WSCD1: variants seen among roughly 807,000 people sequenced by gnomAD.
WSCD1 encodes the protein WSC domain sialate O sulfotransferase 1.
In WSCD1, 41 loss-of-function variants were observed where a neutral mutation model predicts 60.4. The ratio of observed to expected loss-of-function variants is 0.68; its 90% CI spans 0.53 to 0.88. The LOEUF is 0.88. Ranked by LOEUF, WSCD1 falls within the 40% of genes least tolerant of loss-of-function variation. WSCD1 has a pLI of 0.00. For synonymous variants in WSCD1, 361 were observed against 332.5 expected (o/e 1.09, Z -0.93); for missense variants, 784 against 796.2 (o/e 0.98, Z 0.18).
At chr17:6,073,727 A>G (rs1268647551) in intron 1 of WSCD1, among the ~76,000 whole-genome samples, 1 of 152,274 alleles carries the variant, frequency 6.6e-6, no homozygotes, top group Non-Finnish European at 1.5e-5. Flanking sequence ...ATCAGGCACC[A>G]GGAAAGGAAA....
Position 6,123,251 on chromosome 17 carries a change from T to C in WSCD1, c.*2590T>C, listed in dbSNP as rs998689582. On this transcript the variant is annotated 3_prime_UTR_variant, in exon 9 of 9. Transcript: ENST00000317744. ...CCTGACTGTCTACAGATTCCAACTT[T>C]AATAGCAAGCCTGTGGAGTTACACA... 3 of 152,210 alleles carry C rather than the reference T, an allele frequency of 2.0e-5. No homozygotes were observed. The highest frequency in any genetic ancestry group is 2.9e-5 in the Non-Finnish European group (2 of 68,030). The allele number at this position is 152,210 out of a possible 1,614,324, so 9.4% of individuals were successfully genotyped here. A position where few individuals can be genotyped will look rare whatever the true frequency, so the allele number is the denominator to read the frequency against.
chr17:6,083,911 A>T (rs1383579914), intron 2 of WSCD1, among the ~76,000 whole-genome samples: 1 of 152,164 alleles, frequency 6.6e-6, no homozygotes, highest in East Asian at 1.9e-4. Context: ...ACCCCTAATG[A>T]CTTACAGAAG....
At chr17:6,105,738 A>G (rs1434842472) in intron 5 of WSCD1, among the ~76,000 whole-genome samples, 1 of 152,228 alleles carries the variant, frequency 6.6e-6, no homozygotes, top group Non-Finnish European at 1.5e-5. Context: ...ATTGTGGGGC[A>G]TCAACGTCAG....
At chr17:6,096,335 A>G (rs1234547173) in intron 5 of WSCD1, among the ~76,000 whole-genome samples, 1 of 151,980 alleles carries the variant, frequency 6.6e-6, no homozygotes, top group African/African-American at 2.4e-5. Context: ...AGCAGATGTG[A>G]TCGGATCTGC....
Position 6,095,097 on chromosome 17 carries a change from C to G in WSCD1, c.728-5C>G. On this transcript the variant is annotated splice_polypyrimidine_tract_variant and splice_region_variant and intron_variant, in intron 4 of 8. Coordinates refer to ENST00000317744, the MANE Select transcript of WSCD1 (RefSeq NM_015253.2). ...CTTACCAGAAACCCCTCTCTTTTCC[C>G]CCAGGGCGGACCGCCACCTACCGCG... The G allele has an allele frequency of 6.2e-7, 1 of 1,608,176 alleles. No homozygotes were observed.
intron 2 of WSCD1, among the ~76,000 whole-genome samples, chr17:6,083,477 G>A (rs1909410858): frequency 6.6e-6 from 1 of 152,198 alleles, no homozygotes; most frequent in Admixed American, 6.5e-5. Flanking sequence ...AGTGAGAAGT[G>A]ACCTTTATAA....
rs368498173 is a variant in WSCD1 at position 6,120,681 on chromosome 17, C to A, written c.*20C>A. On this transcript the variant is annotated 3_prime_UTR_variant, in exon 9 of 9. Transcript: ENST00000317744. ...AGATGATAGGCCTGGCCCACGCCGC[C>A]GCCCCCGCTGAGTGACGCAATCGCA... The A allele has an allele frequency of 6.3e-7, 1 of 1,589,680 alleles. No individual in the cohort carries two copies.
At position 6,080,964 on chromosome 17, in the gene WSCD1, C is replaced by G; in HGVS notation, c.306C>G (p.Leu102=). Reference sequence around the variant, plus strand: ...GGCCCCGGCCCGGCCCCCGCTGGCTCCGGAGCCGCAACTCGGAGCTGCGTC... The same window carrying G: ...GGCCCCGGCCCGGCCCCCGCTGGCTGCGGAGCCGCAACTCGGAGCTGCGTC... ...LTRPRPGPRW[L]RSRNSELRQL... Residue 102 remains leucine, a synonymous_variant, in exon 2 of 9, where the codon CTC becomes CTG. Transcript: ENST00000317744. The surrounding 1 kb of genome is among the most constrained non-coding windows in gnomAD (Gnocchi z 6.6). 1 of 1,555,472 alleles carries G rather than the reference C, an allele frequency of 6.4e-7. No individual in the cohort carries two copies. Among genetic ancestry groups the G allele is most frequent in the African/African-American group, 1.4e-5 (1 of 74,054 alleles).
intron 5 of WSCD1, among the ~76,000 whole-genome samples, chr17:6,103,714 T>G (rs1910934607): frequency 6.6e-6 from 1 of 152,084 alleles, no homozygotes; most frequent in African/African-American, 2.4e-5. Context: ...GACTGGTGAG[T>G]GTACTCTTTT....
chr17:6,102,505 G>T (rs2150558750), intron 5 of WSCD1, among the ~76,000 whole-genome samples: 1 of 152,284 alleles, frequency 6.6e-6, no homozygotes, highest in East Asian at 1.9e-4. Flanking sequence ...TGTACTCTCT[G>T]CATATTTTGA....
rs781526240 is a variant in WSCD1, at chr17:6,095,112, C to T, written c.738C>T (p.Ala246=). The T allele has an allele frequency of 1.2e-6, 2 of 1,611,540 alleles. No individual in the cohort carries two copies. Among genetic ancestry groups the T allele is most frequent in the South Asian group, 2.2e-5 (2 of 90,462 alleles). The part of the protein sequence containing the change: ...LQPGSRKRRT[A]TYRGCFRLPE... Reference sequence around the variant, plus strand: ...TCTCTTTTCCCCCAGGGCGGACCGCCACCTACCGCGGATGCTTCCGACTGC... The same window carrying T: ...TCTCTTTTCCCCCAGGGCGGACCGCTACCTACCGCGGATGCTTCCGACTGC... The change falls in exon 5 of 9, where the codon GCC becomes GCT. Residue 246 remains alanine (A), a synonymous_variant. Coordinates refer to ENST00000317744, the MANE Select transcript of WSCD1 (RefSeq NM_015253.2).
chr17:6,076,055 A>C (rs1311540073), intron 1 of WSCD1, among the ~76,000 whole-genome samples: 1 of 152,200 alleles, frequency 6.6e-6, no homozygotes, highest in Admixed American at 6.5e-5. Flanking sequence ...CCTCTCAAGA[A>C]TAAATCTTGC....
chr17:6,093,098 C>T (rs1482861624), intron 4 of WSCD1, among the ~76,000 whole-genome samples: 3 of 152,272 alleles, frequency 2.0e-5, no homozygotes, highest in African/African-American at 4.8e-5. Context: ...AAGTCATCAA[C>T]GTCTTCGCCT....
chr17:6,076,737 T>C (rs932540767), intron 1 of WSCD1, among the ~76,000 whole-genome samples: 2 of 152,224 alleles, frequency 1.3e-5, no homozygotes, highest in Admixed American at 1.3e-4. Flanking sequence ...GCTGATGGCC[T>C]CCCAGGCCCT....
In WSCD1 at chr17:6,075,530, G is replaced by A. The variant is rs1046881813; in HGVS notation, c.-288-4841G>A. ...TCCCTCGGTCCCAGATGGCAACAAAGTAATAGACAAAAGCTCAGGTTGTCT... is the reference window on the plus strand; with the variant it reads ...TCCCTCGGTCCCAGATGGCAACAAAATAATAGACAAAAGCTCAGGTTGTCT... On this transcript the variant is annotated intron_variant, in intron 1 of 8. Coordinates refer to ENST00000317744, the MANE Select transcript of WSCD1 (RefSeq NM_015253.2). The surrounding 1 kb of genome is among the most constrained non-coding windows in gnomAD (Gnocchi z 4.1). 1.3e-5 allele frequency among the ~76,000 whole-genome samples: 2 copies of A among 152,142 alleles called. No homozygotes were observed. The highest frequency in any genetic ancestry group is 2.9e-5 in the Non-Finnish European group (2 of 68,030).
In WSCD1 at chr17:6,070,473, G is replaced by A. The variant is rs1417505652; in HGVS notation, c.-468G>A. On this transcript the variant is annotated 5_prime_UTR_variant, in exon 1 of 9. Coordinates refer to ENST00000317744, the MANE Select transcript of WSCD1 (RefSeq NM_015253.2). ...TTCAGCCCGGACGCCAGCAGCCCCG[G>A]GGAGCCAGGCGGCGGCGCCCTGTGC... 1 of 147,128 alleles carries A rather than the reference G, an allele frequency of 6.8e-6. No individual in the cohort carries two copies. The highest frequency in any genetic ancestry group is 1.5e-5 in the Non-Finnish European group (1 of 65,964). 9.1% of individuals were successfully genotyped at this position (147,128 alleles called of 1,614,324 possible). A position where few individuals can be genotyped will look rare whatever the true frequency, so the allele number is the denominator to read the frequency against.
intron 5 of WSCD1, among the ~76,000 whole-genome samples, chr17:6,100,352 C>G (rs1409435327): frequency 6.6e-6 from 1 of 152,202 alleles, no homozygotes; most frequent in African/African-American, 2.4e-5. Flanking sequence ...AGAAGTCGAC[C>G]TGTGACCTGG....
chr17:6,090,169 C>T, intron 3 of WSCD1, 152 bp from the exon 4 acceptor site: 1 of 751,458 alleles, frequency 1.3e-6, no homozygotes, highest in Non-Finnish European at 2.0e-6. Context: ...GCACGTTGTG[C>T]ACATGTACCC....
chr17:6,090,886 A>G (rs569138879), intron 4 of WSCD1, among the ~76,000 whole-genome samples: 7 of 151,530 alleles, frequency 4.6e-5, no homozygotes, highest in African/African-American at 1.7e-4. Context: ...TAATTTTTAT[A>G]TTTGATTTTT....
Sources: gnomAD v4.1 joint callset for allele counts (sites outside exome capture counted in the v4.1 genomes callset) on GRCh38, gnomAD v4.1.1 for gene constraint, Gnocchi (gnomAD v3.1) non-coding constraint, MANE v1.5 for transcripts, NCBI Gene and HGNC (gene_info 2026-07-23, HGNC 2026-07-21) for gene names.